EPHA3: variants seen among roughly 807,000 people sequenced by gnomAD.
The protein encoded by EPHA3 is ephrin type-A receptor 3.
In EPHA3, 42 loss-of-function variants were observed where a neutral mutation model predicts 107.1. The observed-to-expected ratio is 0.39, with a 90% confidence interval of 0.31 to 0.51. The LOEUF is 0.51. EPHA3 is among the 20% of genes least tolerant of loss of function. The pLI is 0.78. For synonymous variants in EPHA3, 461 were observed against 424.8 expected (o/e 1.09, Z -1.05); for missense variants, 1,183 against 1,211.2 (o/e 0.98, Z 0.35).
intron 15 of EPHA3, among the ~76,000 whole-genome samples, chr3:89,453,842 T>C (rs1336972906): frequency 6.6e-6 from 1 of 152,114 alleles, no homozygotes; most frequent in Non-Finnish European, 1.5e-5. Context: ...AAAACAGAAA[T>C]GTAGTGGCAC....
At chr3:89,387,273 G>A (rs1216533925) in intron 5 of EPHA3, among the ~76,000 whole-genome samples, 1 of 152,094 alleles carries the variant, frequency 6.6e-6, no homozygotes, top group Admixed American at 6.5e-5. Context: ...ATGGGTGGGA[G>A]GTAATTAAAT....
chr3:89,183,701 A>G (rs1187333004), intron 2 of EPHA3, among the ~76,000 whole-genome samples: 1 of 151,932 alleles, frequency 6.6e-6, no homozygotes, highest in Non-Finnish European at 1.5e-5. Context: ...TAAAGACTTT[A>G]TGTTCCTTTT....
intron 3 of EPHA3, among the ~76,000 whole-genome samples, chr3:89,294,029 T>TA (rs759645360): frequency 6.6e-6 from 1 of 152,138 alleles, no homozygotes; most frequent in East Asian, 1.9e-4. Context: ...CTTAAAGATC[T>TA]AAAAAAAGAT....
At chr3:89,244,698 G>A (rs1559616834) in intron 3 of EPHA3, among the ~76,000 whole-genome samples, 1 of 152,146 alleles carries the variant, frequency 6.6e-6, no homozygotes, top group Non-Finnish European at 1.5e-5. Context: ...CAGCCACTGT[G>A]GTAGTAATAC....
intron 2 of EPHA3, among the ~76,000 whole-genome samples, chr3:89,198,192 G>A: frequency 6.6e-6 from 1 of 152,042 alleles, no homozygotes; most frequent in Admixed American, 6.6e-5. Flanking sequence ...ATTTTATAAG[G>A]AAAACAAACT....
chr3:89,252,321 G>T lies in EPHA3; in HGVS notation c.814+41801G>T, dbSNP rs188487930. Among the ~76,000 whole-genome samples the T allele has an allele frequency of 8.5e-4, 130 of 152,210 alleles. 1 individual carries two copies. The highest frequency in any genetic ancestry group is 3.3e-3 in the Admixed American group (50 of 15,282). ...CTGGACTAAATTCCAGAATCAGAGAGAATATTTTATATTTTTTGGCTATTT... is the reference window on the plus strand; with the variant it reads ...CTGGACTAAATTCCAGAATCAGAGATAATATTTTATATTTTTTGGCTATTT... On this transcript the variant is annotated intron_variant, in intron 3 of 16. Coordinates refer to ENST00000336596, the MANE Select transcript of EPHA3 (RefSeq NM_005233.6).
At chr3:89,189,317 G>A (rs555593259) in intron 2 of EPHA3, among the ~76,000 whole-genome samples, 2 of 152,268 alleles carry the variant, frequency 1.3e-5, no homozygotes, top group East Asian at 1.9e-4. Context: ...CTAAGAGACT[G>A]GGCACGGTGG....
At chr3:89,301,416 T>C (rs1706485580) in intron 3 of EPHA3, among the ~76,000 whole-genome samples, 1 of 152,068 alleles carries the variant, frequency 6.6e-6, no homozygotes, top group African/African-American at 2.4e-5. Flanking sequence ...TTTTGTGAGC[T>C]CACTCTGAGA....
intron 15 of EPHA3, among the ~76,000 whole-genome samples, chr3:89,458,069 C>CT (rs11387365): frequency 0.19 from 29,105 of 152,016 alleles, 3,368 homozygotes; most frequent in Non-Finnish European, 0.25. Context: ...AGTCAAGAAA[C>CT]TAATTTAAAT....
At chr3:89,169,144 A>AT (rs900000316) in intron 2 of EPHA3, among the ~76,000 whole-genome samples, 1 of 152,202 alleles carries the variant, frequency 6.6e-6, no homozygotes, top group East Asian at 1.9e-4. Flanking sequence ...AATTAGACTT[A>AT]TTTTTTCTGA....
intron 2 of EPHA3, among the ~76,000 whole-genome samples, chr3:89,181,307 T>C (rs1475649112): frequency 6.6e-6 from 1 of 151,994 alleles, no homozygotes; most frequent in Non-Finnish European, 1.5e-5. Flanking sequence ...ATGACAGATA[T>C]ATTAAATAAA....
At chr3:89,473,587 C>A (rs1483540663) in intron 16 of EPHA3, among the ~76,000 whole-genome samples, 1 of 152,248 alleles carries the variant, frequency 6.6e-6, no homozygotes, top group South Asian at 2.1e-4. Flanking sequence ...GATTCCCATG[C>A]GCATAGCTAA....
At chr3:89,218,811 A>T (rs1704280365) in intron 3 of EPHA3, among the ~76,000 whole-genome samples, 1 of 152,204 alleles carries the variant, frequency 6.6e-6, no homozygotes, top group South Asian at 2.1e-4. Flanking sequence ...AATAGCAATC[A>T]TTAAAAAGTC....
intron 2 of EPHA3, among the ~76,000 whole-genome samples, chr3:89,188,034 T>C (rs1705615295): frequency 1.3e-5 from 2 of 152,302 alleles, no homozygotes; most frequent in South Asian, 4.1e-4. Flanking sequence ...GGGCAATATA[T>C]AACAAGTTAC....
chr3:89,459,161 G>A (rs529691349), intron 15 of EPHA3, among the ~76,000 whole-genome samples: 69 of 152,034 alleles, frequency 4.5e-4, no homozygotes, highest in Non-Finnish European at 7.6e-4. Flanking sequence ...AAACCTGCAG[G>A]TTCAACACAT....
At chr3:89,448,190 A>G (rs1264644429) in intron 13 of EPHA3, among the ~76,000 whole-genome samples, 3 of 152,116 alleles carry the variant, frequency 2.0e-5, no homozygotes, top group Non-Finnish European at 4.4e-5. Flanking sequence ...CCAGCATCAC[A>G]TGGAGATTGT....
intron 3 of EPHA3, among the ~76,000 whole-genome samples, chr3:89,275,558 G>C (rs552280741): frequency 1.1e-4 from 16 of 152,176 alleles, no homozygotes; most frequent in African/African-American, 3.9e-4. Flanking sequence ...ATGAGATATT[G>C]TAAGTGAAAA....
At chr3:89,458,590 C>T (rs555031113) in intron 15 of EPHA3, among the ~76,000 whole-genome samples, 5 of 152,206 alleles carry the variant, frequency 3.3e-5, no homozygotes, top group East Asian at 1.9e-4. Context: ...TTTGTGGAAT[C>T]GCCACACTCT....
At chr3:89,433,353 T>A (rs1487039846) in intron 13 of EPHA3, among the ~76,000 whole-genome samples, 1 of 151,852 alleles carries the variant, frequency 6.6e-6, no homozygotes, top group Non-Finnish European at 1.5e-5. Flanking sequence ...ACTCCAATAA[T>A]CAAAATTGTC....
Sources: gnomAD v4.1 joint callset for allele counts (sites outside exome capture counted in the v4.1 genomes callset) on GRCh38, gnomAD v4.1.1 for gene constraint, MANE v1.5 for transcripts, NCBI Gene and HGNC (gene_info 2026-07-23, HGNC 2026-07-21) for gene names.